Variants in EDEM1 observed in about 807,000 individuals in gnomAD.
The protein encoded by EDEM1 is ER degradation enhancing alpha-mannosidase like protein 1.
EDEM1 carries 67 observed loss-of-function variants against 74.4 expected under a neutral mutation model. The ratio of observed to expected loss-of-function variants is 0.90; its 90% CI spans 0.74 to 1.10. The LOEUF (loss-of-function observed/expected upper bound fraction) is 1.10. Ranked by LOEUF, EDEM1 falls within the 50% of genes least tolerant of loss-of-function variation. The pLI, the probability that EDEM1 is intolerant of heterozygous loss-of-function variation, is 0.00. For synonymous variants in EDEM1, 382 were observed against 335.9 expected (o/e 1.14, Z -1.50); for missense variants, 926 against 851.6 (o/e 1.09, Z -1.09).
intron 11 of EDEM1, among the ~76,000 whole-genome samples, chr3:5,213,924 A>G (rs146923067): frequency 1.5e-4 from 23 of 152,326 alleles, no homozygotes; most frequent in African/African-American, 5.1e-4. Flanking sequence ...CCTGGGGCAG[A>G]AGCTGGAGGC....
At chr3:5,197,934 G>T (rs996758641) in intron 2 of EDEM1, among the ~76,000 whole-genome samples, 2 of 152,210 alleles carry the variant, frequency 1.3e-5, no homozygotes, top group South Asian at 2.1e-4. Context: ...ATCAGTATGT[G>T]TAAGATGTAC....
intron 10 of EDEM1, among the ~76,000 whole-genome samples, chr3:5,212,207 G>C (rs1386275230): frequency 6.6e-6 from 1 of 152,180 alleles, no homozygotes; most frequent in African/African-American, 2.4e-5. Flanking sequence ...CCAGGTTTTG[G>C]AGCTGCTGGT....
chr3:5,208,757 G>GTATATATA (rs199683222), intron 8 of EDEM1, among the ~76,000 whole-genome samples: 1 of 149,796 alleles, frequency 6.7e-6, no homozygotes, highest in African/African-American at 2.5e-5. Flanking sequence ...GTGTGTGTGT[G>GTATATATA]TGTATATATA....
chr3:5,188,054 G>A lies in EDEM1; in HGVS notation c.249G>A (p.Pro83=). The change falls in exon 1 of 12, where the codon CCG becomes CCA. Residue 83 remains proline, a synonymous_variant. Coordinates refer to ENST00000256497, the MANE Select transcript of EDEM1 (RefSeq NM_014674.3). ...CGGGGACCGGGGCAGCGCAGAGCCCGCGCAAGGCTCCGCGGCGTCCTGGGC... is the reference window on the plus strand; with the variant it reads ...CGGGGACCGGGGCAGCGCAGAGCCCACGCAAGGCTCCGCGGCGTCCTGGGC... ...QPPGTGAAQS[P]RKAPRRPGPG... 2 of 1,434,794 alleles carry A rather than the reference G, an allele frequency of 1.4e-6. No homozygotes were observed. The highest frequency in any genetic ancestry group is 1.8e-6 in the Non-Finnish European group (2 of 1,096,450). The allele number at this position is 1,434,794 out of a possible 1,614,324, so 88.9% of individuals were successfully genotyped here.
At chr3:5,210,540 C>T (rs549603881) in intron 9 of EDEM1, among the ~76,000 whole-genome samples, 1 of 152,188 alleles carries the variant, frequency 6.6e-6, no homozygotes, top group African/African-American at 2.4e-5. Flanking sequence ...AAATATAAAG[C>T]AGTAGAATAT....
intron 10 of EDEM1, among the ~76,000 whole-genome samples, chr3:5,213,069 C>G (rs893676383): frequency 5.3e-5 from 8 of 152,176 alleles, no homozygotes; most frequent in Non-Finnish European, 1.2e-4. Flanking sequence ...TTCTGAGTCT[C>G]TGCGTCTGGG....
At position 5,215,464 on chromosome 3, in the gene EDEM1, G is replaced by A. The variant is rs193151630; in HGVS notation, c.1885-365G>A. The stretch of plus-strand genomic sequence containing the variant: ...GGATGTGGCTTTCAGTCCTGGCCAC[G>A]AAGCAGTTGCTGCGATGCCTTTTAG... On this transcript the variant is annotated intron_variant, in intron 11 of 11. Coordinates refer to ENST00000256497, the MANE Select transcript of EDEM1 (RefSeq NM_014674.3). Among the ~76,000 whole-genome samples the A allele has an allele frequency of 1.9e-4, 29 of 152,352 alleles. No homozygotes were observed. In the East Asian group the frequency reaches 2.9e-3, roughly 15 times the overall value.
intron 3 of EDEM1, among the ~76,000 whole-genome samples, chr3:5,201,372 C>G (rs776127585): frequency 2.0e-5 from 3 of 152,010 alleles, no homozygotes; most frequent in Non-Finnish European, 2.9e-5. Context: ...CCAGGCTAGT[C>G]TTGAACTCCT....
At position 5,216,284 on chromosome 3, in the gene EDEM1, G is replaced by GT. The variant is rs199745895; in HGVS notation, c.*367dup. 53 of 177,816 alleles carry GT rather than the reference G, an allele frequency of 3.0e-4. No individual in the cohort carries two copies. Among genetic ancestry groups the GT allele is most frequent in the Middle Eastern group, 2.3e-3 (1 of 442 alleles). The allele number at this position is 177,816 out of a possible 1,614,324, so 11.0% of individuals were successfully genotyped here. A position where few individuals can be genotyped will look rare whatever the true frequency, so the allele number is the denominator to read the frequency against. On this transcript the variant is annotated 3_prime_UTR_variant, in exon 12 of 12. Transcript: ENST00000256497. ...ACCTGCTATACTGGAGTATTGCTATGTCTTTAAAAAATTTTTTTTATTATA... is the reference window on the plus strand; with the variant it reads ...ACCTGCTATACTGGAGTATTGCTATGTTCTTTAAAAAATTTTTTTTATTATA...
chr3:5,205,019 T>A, intron 5 of EDEM1, 48 bp from the exon 6 acceptor site: 1 of 1,598,274 alleles, frequency 6.3e-7, no homozygotes, highest in East Asian at 2.2e-5. Flanking sequence ...ATTCATGTCC[T>A]CCCCGATGAG....
intron 5 of EDEM1, among the ~76,000 whole-genome samples, chr3:5,204,629 C>A (rs1055825464): frequency 1.3e-5 from 2 of 152,052 alleles, no homozygotes; most frequent in Non-Finnish European, 2.9e-5. Flanking sequence ...TGAGCTCAAG[C>A]GATCCACCTG....
chr3:5,219,877 A>T lies in EDEM1; in HGVS notation c.*3959A>T, dbSNP rs186060880. ...GTAAAAGGACCAAATGTTCTTTTAT[A>T]AATGTAATAAGGAATATCTTGCTCT... On this transcript the variant is annotated 3_prime_UTR_variant, in exon 12 of 12. Coordinates refer to ENST00000256497, the MANE Select transcript of EDEM1 (RefSeq NM_014674.3). 1 of 152,808 alleles carries T rather than the reference A, an allele frequency of 6.5e-6. No individual in the cohort carries two copies. The highest frequency in any genetic ancestry group is 1.9e-4 in the East Asian group (1 of 5,194). The allele number at this position is 152,808 out of a possible 1,614,324, so 9.5% of individuals were successfully genotyped here.
chr3:5,193,094 G>T (rs1473463121), intron 1 of EDEM1, among the ~76,000 whole-genome samples: 1 of 152,184 alleles, frequency 6.6e-6, no homozygotes, highest in Non-Finnish European at 1.5e-5. Flanking sequence ...GCCTGTGCAG[G>T]TGGATAGAAT....
chr3:5,188,727 A>G (rs2054862272), intron 1 of EDEM1, among the ~76,000 whole-genome samples: 2 of 152,226 alleles, frequency 1.3e-5, no homozygotes, highest in South Asian at 4.1e-4. Context: ...ACGCAGCCTC[A>G]GAACAAGCCT....
intron 9 of EDEM1, among the ~76,000 whole-genome samples, chr3:5,210,797 G>A (rs989504051): frequency 1.3e-5 from 2 of 151,514 alleles, no homozygotes; most frequent in Non-Finnish European, 2.9e-5. Flanking sequence ...AATTCTACAA[G>A]TATTAGGACT....
chr3:5,207,667 C>T (rs1231604645), intron 7 of EDEM1, among the ~76,000 whole-genome samples: 1 of 152,052 alleles, frequency 6.6e-6, no homozygotes, highest in Non-Finnish European at 1.5e-5. Context: ...CCACCACATC[C>T]GGCTAATTTT....
intron 2 of EDEM1, among the ~76,000 whole-genome samples, chr3:5,195,790 C>G (rs754901518): frequency 2.6e-5 from 4 of 152,242 alleles, no homozygotes; most frequent in African/African-American, 4.8e-5. Context: ...CCTGAGCTGC[C>G]AACGTGGGTG....
chr3:5,200,173 C>A (rs935029855), intron 3 of EDEM1, among the ~76,000 whole-genome samples: 2 of 152,180 alleles, frequency 1.3e-5, no homozygotes, highest in Non-Finnish European at 2.9e-5. Context: ...CTCAAGTGAT[C>A]CGCCTGCCTT....
intron 5 of EDEM1, among the ~76,000 whole-genome samples, chr3:5,204,799 G>A (rs1361001058): frequency 6.6e-6 from 1 of 152,124 alleles, no homozygotes; most frequent in Non-Finnish European, 1.5e-5. Flanking sequence ...CGTCAATCTG[G>A]AAAAGCAAAA....
Sources: allele counts gnomAD v4.1 joint callset (sites outside exome capture counted in the v4.1 genomes callset), GRCh38; gene constraint gnomAD v4.1.1; transcripts MANE v1.5; gene names NCBI Gene and HGNC (gene_info 2026-07-23, HGNC 2026-07-21).